The following WDR86 variants were observed in gnomAD, a reference collection of about 807,000 sequenced individuals.
WDR86 encodes the protein WD repeat domain 86.
Under a neutral mutation model 36.5 loss-of-function variants are expected in WDR86, and 30 were observed. That is an observed-to-expected ratio of 0.82 (90% CI 0.61 to 1.11). WDR86 has a LOEUF of 1.11. Ranked by LOEUF, WDR86 falls within the 50% of genes most tolerant of loss-of-function variation. The pLI is 0.00. For missense variants in WDR86, 545 were observed against 561.2 expected (o/e 0.97, Z 0.29); for synonymous variants, 255 against 252.9 (o/e 1.01, Z -0.08).
chr7:151,402,823 CAAT>C, intron 1 of WDR86, among the ~76,000 whole-genome samples: 1 of 152,328 alleles, frequency 6.6e-6, no homozygotes, highest in Non-Finnish European at 1.5e-5. Flanking sequence ...GCTGCCAGAT[CAAT>C]GTTTATGCCT....
At chr7:151,387,509 G>C (rs1382530457) in intron 3 of WDR86, among the ~76,000 whole-genome samples, 1 of 152,136 alleles carries the variant, frequency 6.6e-6, no homozygotes, top group East Asian at 1.9e-4. Context: ...GGTGGCCCAG[G>C]GAGGCCTGAG....
rs1278357964 is a variant in WDR86 at position 151,406,004 on chromosome 7, A to C, written c.163+3423T>G. Among the ~76,000 whole-genome samples, 1 of 152,218 alleles carries C rather than the reference A, an allele frequency of 6.6e-6. No individual in the cohort carries two copies. The highest frequency in any genetic ancestry group is 1.5e-5 in the Non-Finnish European group (1 of 68,036). On this transcript the variant is annotated intron_variant, in intron 1 of 5. Coordinates refer to ENST00000334493, the MANE Select transcript of WDR86 (RefSeq NM_198285.3). This position sits in a 1 kb window ranked among gnomAD's most constrained non-coding sequence, Gnocchi z 4.4. ...CTCATTGAACCAATAAAGTGCCCCC[A>C]AATAAGGAGATATTCAATGAATAAA...
intron 3 of WDR86, among the ~76,000 whole-genome samples, chr7:151,392,562 C>T (rs911700176): frequency 9.2e-5 from 14 of 152,152 alleles, no homozygotes; most frequent in African/African-American, 2.9e-4. Flanking sequence ...TGCGGAGCGC[C>T]GCCCATTCAC....
chr7:151,402,113 G>C (rs1800389696), intron 1 of WDR86, among the ~76,000 whole-genome samples: 1 of 123,754 alleles, frequency 8.1e-6, no homozygotes, highest in Non-Finnish European at 1.6e-5. Flanking sequence ...GTCCTTACAA[G>C]AGAGAGGCCA....
intron 1 of WDR86, chr7:151,408,835 G>T (rs1235585754): frequency 2.2e-6 from 1 of 457,906 alleles, no homozygotes; most frequent in African/African-American, 2.0e-5. Flanking sequence ...AGCAATGAGA[G>T]GGCTCAGACT....
chr7:151,393,384 C>A (rs1444875520), intron 3 of WDR86, among the ~76,000 whole-genome samples: 2 of 152,142 alleles, frequency 1.3e-5, no homozygotes, highest in Non-Finnish European at 2.9e-5. Flanking sequence ...CCCTACGCTC[C>A]CACTCTCCAG....
exon 2 of WDR86, chr7:151,376,031 G>A: frequency 1.2e-6 from 1 of 839,248 alleles, no homozygotes; most frequent in Non-Finnish European, 2.1e-6. Flanking sequence ...AGCAGGACTG[G>A]GGGAGTCCGT....
Position 151,409,277 on chromosome 7 carries a change from TG to T in WDR86, c.163+149del. On this transcript the variant is annotated intron_variant, in intron 1 of 5. Coordinates refer to ENST00000334493, the MANE Select transcript of WDR86 (RefSeq NM_198285.3). The surrounding 1 kb of genome is among the most constrained non-coding windows in gnomAD (Gnocchi z 5.2). ...TGCCGTGCGCTCAACAGCCAGATGC[TG>T]GGCCCAGACAAGCGCTCTTCCGCTA... 7.7e-7 allele frequency: 1 copy of T among 1,304,290 alleles called. No homozygotes were observed. Among genetic ancestry groups the T allele is most frequent in the Non-Finnish European group, 1.1e-6 (1 of 945,034 alleles). The allele number at this position is 1,304,290 out of a possible 1,614,324, so 80.8% of individuals were successfully genotyped here.
rs563483908 is a variant in WDR86 at position 151,409,801 on chromosome 7, G to A, written c.-212C>T. 21 of 1,265,322 alleles carry A rather than the reference G, an allele frequency of 1.7e-5. No individual in the cohort carries two copies. In the African/African-American group the frequency reaches 2.3e-4, roughly 14 times the overall value. 78.4% of individuals were successfully genotyped at this position (1,265,322 alleles called of 1,614,324 possible). The stretch of plus-strand genomic sequence containing the variant: ...GGGCCCGCGAACCCAGGGCGCTGCG[G>A]GGGGCGGCCCACTCGGGACCTCCGC... On this transcript the variant is annotated 5_prime_UTR_variant, in exon 1 of 6. Transcript: ENST00000334493. The surrounding 1 kb of genome is among the most constrained non-coding windows in gnomAD (Gnocchi z 5.2).
chr7:151,403,636 A>T (rs1327944731), intron 1 of WDR86, among the ~76,000 whole-genome samples: 1 of 152,264 alleles, frequency 6.6e-6, no homozygotes, highest in African/African-American at 2.4e-5. Flanking sequence ...GTACGGATTA[A>T]GTCAACATTT....
rs771680142 is a variant in WDR86 at position 151,400,815 on chromosome 7, G to A, written c.164-574C>T. Among the ~76,000 whole-genome samples, 7 of 152,362 alleles carry A rather than the reference G, an allele frequency of 4.6e-5. No individual in the cohort carries two copies. The East Asian group carries it at 5.8e-4, about 13-fold the overall frequency. Reference sequence around the variant, plus strand: ...ACGCAGCAACCATGGCGACTGCGCCGTCAACACAATAAGCCCCAGCATTCG... The same window carrying A: ...ACGCAGCAACCATGGCGACTGCGCCATCAACACAATAAGCCCCAGCATTCG... On this transcript the variant is annotated intron_variant, in intron 1 of 5. Transcript: ENST00000334493.
At chr7:151,397,823 T>C (rs1395959388) in intron 2 of WDR86, among the ~76,000 whole-genome samples, 35 of 113,574 alleles carry the variant, frequency 3.1e-4, no homozygotes, top group African/African-American at 1.2e-3. Flanking sequence ...AGGAAGAGGG[T>C]GTAGCGGGAG....
At chr7:151,370,978 C>T (rs921981274), downstream of WDR86, among the ~76,000 whole-genome samples, 1 of 152,136 alleles carries the variant, frequency 6.6e-6, no homozygotes, top group African/African-American at 2.4e-5. Flanking sequence ...CGAGAGGCCA[C>T]AGGACAGGTA....
chr7:151,383,854 G>A (rs1011366063), intron 4 of WDR86, among the ~76,000 whole-genome samples: 46 of 152,332 alleles, frequency 3.0e-4, no homozygotes, highest in African/African-American at 1.1e-3. Context: ...GCAACAGTGA[G>A]CTGCAGGCTT....
chr7:151,376,919 A>G, downstream of WDR86: 1 of 1,435,264 alleles, frequency 7.0e-7, no homozygotes, highest in Non-Finnish European at 9.3e-7. Context: ...GCGTCCCCTG[A>G]CGTCACCGGG....
At chr7:151,391,108 C>T (rs1300373391) in intron 3 of WDR86, among the ~76,000 whole-genome samples, 2 of 152,266 alleles carry the variant, frequency 1.3e-5, no homozygotes, top group South Asian at 2.1e-4. Context: ...AAAGGCAGAT[C>T]GTGAGCGGCA....
downstream of WDR86, chr7:151,376,351 C>T (rs1434657755): frequency 1.0e-5 from 5 of 492,892 alleles, no homozygotes; most frequent in African/African-American, 3.8e-5. Context: ...CCACTGACCT[C>T]GCGGTGCTCG....
chr7:151,397,212 C>T (rs555260128), intron 2 of WDR86, among the ~76,000 whole-genome samples: 5 of 152,288 alleles, frequency 3.3e-5, no homozygotes, highest in African/African-American at 4.8e-5. Context: ...CTGCTCCTCC[C>T]GTCCTCCCGC....
chr7:151,376,099 C>CGCAGTAACAGAGG lies in WDR86; in HGVS notation n.1178_1190dup. On this transcript the variant is annotated non_coding_transcript_exon_variant, in exon 2 of 2. Coordinates refer to the WDR86 transcript ENST00000463000. The stretch of plus-strand genomic sequence containing the variant: ...ACCTGCCCACCTCAGAGGCCACCCA[C>CGCAGTAACAGAGG]GCAGTAACAGAGGGCAGGGGAGGCC... The CGCAGTAACAGAGG allele has an allele frequency of 6.4e-6, 4 of 621,394 alleles. No individual in the cohort carries two copies. The South Asian group carries it at 7.0e-5, about 11-fold the overall frequency. 38.5% of individuals were successfully genotyped at this position (621,394 alleles called of 1,614,324 possible).
Sources: gnomAD v4.1 joint callset for allele counts (sites outside exome capture counted in the v4.1 genomes callset) on GRCh38, gnomAD v4.1.1 for gene constraint, Gnocchi (gnomAD v3.1) non-coding constraint, MANE v1.5 for transcripts, NCBI Gene and HGNC (gene_info 2026-07-23, HGNC 2026-07-21) for gene names.